Variants in ZNF385C observed in about 807,000 individuals in gnomAD.
ZNF385C encodes the protein CTD-2132N18.2.
In ZNF385C, 28 loss-of-function variants were observed where a neutral mutation model predicts 35.4. That is an observed-to-expected ratio of 0.79 (90% confidence interval 0.59 to 1.08). The LOEUF (loss-of-function observed/expected upper bound fraction) is 1.08. ZNF385C is among the 50% of genes least tolerant of loss of function. The pLI, the probability that ZNF385C is intolerant of heterozygous loss-of-function variation, is 0.00. For synonymous variants in ZNF385C, 248 were observed against 248.2 expected (o/e 1.00, Z 0.01); for missense variants, 605 against 595.6 (o/e 1.02, Z -0.16).
intron 1 of ZNF385C, among the ~76,000 whole-genome samples, chr17:42,071,979 C>T (rs1204135849): frequency 1.3e-5 from 2 of 152,208 alleles, no homozygotes; most frequent in South Asian, 2.1e-4. Context: ...CAGGGGCCCC[C>T]CCATGCCCCT....
chr17:42,049,788 C>G (rs1178561974), intron 2 of ZNF385C, among the ~76,000 whole-genome samples: 1 of 152,264 alleles, frequency 6.6e-6, no homozygotes, highest in South Asian at 2.1e-4. Flanking sequence ...TAAAACGGCT[C>G]TGTCCAACAC....
chr17:42,082,169 G>A (rs561696841), intron 1 of ZNF385C, among the ~76,000 whole-genome samples: 2 of 152,248 alleles, frequency 1.3e-5, no homozygotes, highest in South Asian at 2.1e-4. Context: ...GTTCCATGGC[G>A]TGCTTCATGT....
At chr17:42,093,963 C>G (rs1413573322) in intron 1 of ZNF385C, among the ~76,000 whole-genome samples, 1 of 151,516 alleles carries the variant, frequency 6.6e-6, no homozygotes, top group Non-Finnish European at 1.5e-5. Flanking sequence ...GTGATCGTGG[C>G]CCCCTGGGAG....
At chr17:42,058,042 T>G (rs2053407827) in intron 2 of ZNF385C, among the ~76,000 whole-genome samples, 1 of 152,070 alleles carries the variant, frequency 6.6e-6, no homozygotes, top group Non-Finnish European at 1.5e-5. Flanking sequence ...AGACGAAGTG[T>G]GGGTTCCTGC....
chr17:42,030,999 T>G (rs1035611615), intron 5 of ZNF385C, among the ~76,000 whole-genome samples: 2 of 150,120 alleles, frequency 1.3e-5, no homozygotes, highest in African/African-American at 4.9e-5. Flanking sequence ...TCCAGAGCTG[T>G]GTGAAAATAA....
In ZNF385C at chr17:42,098,425, G is replaced by C. The variant is rs1203702701; in HGVS notation, c.-18C>G. On this transcript the variant is annotated 5_prime_UTR_variant, in exon 1 of 9. Transcript: ENST00000692273. Reference sequence around the variant, plus strand: ...GCCGTCTTACCTGCGGGGCAGAGACGGAGCCCGCCGCGGCCACCTGCTCTC... The same window carrying C: ...GCCGTCTTACCTGCGGGGCAGAGACCGAGCCCGCCGCGGCCACCTGCTCTC... 6.6e-6 allele frequency: 1 copy of C among 152,248 alleles called. No individual in the cohort carries two copies. Among genetic ancestry groups the C allele is most frequent in the Admixed American group, 6.5e-5 (1 of 15,286 alleles). 9.4% of individuals were successfully genotyped at this position (152,248 alleles called of 1,614,324 possible). A position where few individuals can be genotyped will look rare whatever the true frequency, so the allele number is the denominator to read the frequency against.
rs1555660880 is a variant in ZNF385C at position 42,095,247 on chromosome 17, G to A, written c.-3+3163C>T. Reference sequence around the variant, plus strand: ...TTCTGAACAGACGGTGTGTCCAGGTGCCACAGGGCACTTGACTACAGTCAA... The same window carrying A: ...TTCTGAACAGACGGTGTGTCCAGGTACCACAGGGCACTTGACTACAGTCAA... On this transcript the variant is annotated intron_variant, in intron 1 of 8. Transcript: ENST00000692273. The surrounding 1 kb of genome is among the most constrained non-coding windows in gnomAD (Gnocchi z 4.4). 6.6e-6 allele frequency among the ~76,000 whole-genome samples: 1 copy of A among 152,196 alleles called. No individual in the cohort carries two copies. The highest frequency in any genetic ancestry group is 1.9e-4 in the East Asian group (1 of 5,196).
intron 2 of ZNF385C, among the ~76,000 whole-genome samples, chr17:42,058,267 C>T (rs2143817458): frequency 6.6e-6 from 1 of 152,280 alleles, no homozygotes; most frequent in South Asian, 2.1e-4. Context: ...TGCCTGTAAC[C>T]ACCTGTCACT....
intron 1 of ZNF385C, among the ~76,000 whole-genome samples, chr17:42,074,184 G>C (rs1555659061): frequency 6.6e-6 from 1 of 152,150 alleles, no homozygotes; most frequent in African/African-American, 2.4e-5. Flanking sequence ...ACCCTGACCT[G>C]TCTCCCCCAT....
Position 42,042,911 on chromosome 17 carries a change from T to A in ZNF385C, c.251-5026A>T, listed in dbSNP as rs782637661. The A allele has an allele frequency of 4.1e-6, 5 of 1,232,262 alleles. No homozygotes were observed. The Admixed American group carries it at 2.1e-4, about 52-fold the overall frequency. 76.3% of individuals were successfully genotyped at this position (1,232,262 alleles called of 1,614,324 possible). The stretch of plus-strand genomic sequence containing the variant: ...AGCAGTGCCTGGCACAGGTTGAACC[T>A]CTGCAGCTCGAGCAGGGCAGAGCAG... On this transcript the variant is annotated intron_variant, in intron 2 of 8. Coordinates refer to ENST00000692273, the MANE Select transcript of ZNF385C (RefSeq NM_001392013.1).
intron 1 of ZNF385C, among the ~76,000 whole-genome samples, chr17:42,072,106 A>G (rs2053633090): frequency 6.6e-6 from 1 of 152,158 alleles, no homozygotes; most frequent in Admixed American, 6.5e-5. Context: ...GCACCCCCCA[A>G]AAGATAATTG....
At chr17:42,037,983 G>A in intron 2 of ZNF385C, 98 bp from the exon 3 acceptor site, 1 of 1,540,122 alleles carries the variant, frequency 6.5e-7, no homozygotes, top group Non-Finnish European at 8.7e-7. Context: ...GAGCTGGGCA[G>A]AAACCTGTGT....
At chr17:42,086,354 C>T (rs1044161266) in intron 1 of ZNF385C, among the ~76,000 whole-genome samples, 1 of 151,670 alleles carries the variant, frequency 6.6e-6, no homozygotes, top group African/African-American at 2.4e-5. Flanking sequence ...ATCGCTTCGG[C>T]CTGGGCAACA....
At chr17:42,027,187 C>T (rs1400944831) in intron 8 of ZNF385C, 54 bp from the exon 9 acceptor site, 39 of 1,529,810 alleles carry the variant, frequency 2.5e-5, no homozygotes, top group Non-Finnish European at 3.3e-5. Context: ...AACCCCACCC[C>T]CTCCCTGGGG....
intron 1 of ZNF385C, among the ~76,000 whole-genome samples, chr17:42,080,655 C>T (rs2053738337): frequency 6.6e-6 from 1 of 152,204 alleles, no homozygotes; most frequent in South Asian, 2.1e-4. Context: ...CTGCTGACCA[C>T]ATCAAAGTCC....
intron 2 of ZNF385C, among the ~76,000 whole-genome samples, chr17:42,048,905 G>A (rs530460812): frequency 1.3e-5 from 2 of 149,024 alleles, no homozygotes; most frequent in East Asian, 2.0e-4. Flanking sequence ...TCATGCCACC[G>A]CACTCCAGCC....
intron 2 of ZNF385C, among the ~76,000 whole-genome samples, chr17:42,053,589 C>G (rs895848378): frequency 4.6e-5 from 7 of 152,188 alleles, no homozygotes; most frequent in African/African-American, 1.7e-4. Context: ...CCCTGTTTCC[C>G]GCAGGGTGGA....
chr17:42,064,127 C>T (rs1333603567), intron 1 of ZNF385C, among the ~76,000 whole-genome samples: 2 of 150,644 alleles, frequency 1.3e-5, no homozygotes, highest in African/African-American at 2.4e-5. Context: ...CACTTTCTGT[C>T]TCTTCGGGAC....
At chr17:42,096,975 T>TA (rs58377119) in intron 1 of ZNF385C, among the ~76,000 whole-genome samples, 6,692 of 88,922 alleles carry the variant, frequency 0.075, 588 homozygotes, top group African/African-American at 0.21. Flanking sequence ...CAAGCTTAGC[T>TA]AAAAAAAAAA....
Sources: allele counts gnomAD v4.1 joint callset (sites outside exome capture counted in the v4.1 genomes callset), GRCh38; gene constraint gnomAD v4.1.1; non-coding constraint Gnocchi (gnomAD v3.1); transcripts MANE v1.5; gene names NCBI Gene and HGNC (gene_info 2026-07-23, HGNC 2026-07-21).